Variants in CSTPP1 observed in about 807,000 individuals in gnomAD.
The protein encoded by CSTPP1 is UPF0705 protein C11orf49.
At chr11:46,959,865 A>ATTTT in the CSTPP1 span, among the ~76,000 whole-genome samples, 2 of 134,052 alleles carry the variant, frequency 1.5e-5, no homozygotes, top group African/African-American at 5.8e-5. Context: ...GGTTTAAATA[A>ATTTT]TTTTTTTTTT....
chr11:47,042,345 G>GTT, the CSTPP1 span, among the ~76,000 whole-genome samples: 29 of 131,900 alleles, frequency 2.2e-4, 1 homozygote, highest in South Asian at 9.7e-4. Flanking sequence ...TTTGACTTCT[G>GTT]TTTTTTTTTT....
At chr11:47,079,539 CT>C in the CSTPP1 span, among the ~76,000 whole-genome samples, 1 of 152,094 alleles carries the variant, frequency 6.6e-6, no homozygotes. Flanking sequence ...GAAAAACTTG[CT>C]CATTGTAGAA....
the CSTPP1 span, among the ~76,000 whole-genome samples, chr11:46,995,405 T>C: frequency 6.6e-6 from 1 of 152,214 alleles, no homozygotes; most frequent in Non-Finnish European, 1.5e-5. Context: ...CTTTCCCTTG[T>C]GGGCATTTAG....
At chr11:47,014,423 C>T in the CSTPP1 span, among the ~76,000 whole-genome samples, 1 of 151,286 alleles carries the variant, frequency 6.6e-6, no homozygotes, top group Non-Finnish European at 1.5e-5. Flanking sequence ...GAAAGCCTGG[C>T]GCGGTGGCTC....
chr11:46,971,390 A>G, the CSTPP1 span, among the ~76,000 whole-genome samples: 1 of 152,216 alleles, frequency 6.6e-6, no homozygotes. Context: ...CTTGGATGTA[A>G]TATAATCTGG....
At chr11:47,096,614 A>C in the CSTPP1 span, among the ~76,000 whole-genome samples, 1 of 152,202 alleles carries the variant, frequency 6.6e-6, no homozygotes, top group South Asian at 2.1e-4. Flanking sequence ...GTTCCATGGA[A>C]TCATACAGAC....
the CSTPP1 span, among the ~76,000 whole-genome samples, chr11:47,101,164 A>ATTTTTTTTTTTTT: frequency 2.5e-3 from 76 of 30,372 alleles, 28 homozygotes; most frequent in African/African-American, 8.1e-3. Flanking sequence ...ACACCGGCTA[A>ATTTTTTTTTTTTT]TTTTTTTTTT....
At chr11:47,026,698 C>T in the CSTPP1 span, among the ~76,000 whole-genome samples, 3 of 151,906 alleles carry the variant, frequency 2.0e-5, no homozygotes, top group Non-Finnish European at 2.9e-5. Context: ...GCCAACCTGG[C>T]GAAACCCCAT....
the CSTPP1 span, chr11:47,109,301 A>C: frequency 1.3e-5 from 2 of 151,992 alleles, no homozygotes; most frequent in Admixed American, 6.6e-5. Flanking sequence ...TCTGTGCTTC[A>C]CATCTACCCC....
At chr11:47,008,446 T>C in the CSTPP1 span, among the ~76,000 whole-genome samples, 1 of 152,206 alleles carries the variant, frequency 6.6e-6, no homozygotes. Flanking sequence ...ATAAATGATA[T>C]TGTGAGATAT....
At chr11:47,145,900 ATTATTTTATTTTATT>A in the CSTPP1 span, among the ~76,000 whole-genome samples, 1 of 151,200 alleles carries the variant, frequency 6.6e-6, no homozygotes, top group African/African-American at 2.4e-5. Context: ...CTTTCCGTAA[ATTATTTTATTTTATT>A]TTATTTTATT....
chr11:47,116,675 GTTTTTTTT>G, the CSTPP1 span, among the ~76,000 whole-genome samples: 1 of 83,908 alleles, frequency 1.2e-5, no homozygotes, highest in Non-Finnish European at 2.1e-5. Context: ...TGCTTGGTAG[GTTTTTTTT>G]TTTTTTTTTT....
chr11:46,952,693 C>T, the CSTPP1 span, among the ~76,000 whole-genome samples: 1 of 152,144 alleles, frequency 6.6e-6, no homozygotes, highest in Non-Finnish European at 1.5e-5. Flanking sequence ...TTATTATTTT[C>T]TTTCTTAACT....
At chr11:47,007,535 A>G in the CSTPP1 span, among the ~76,000 whole-genome samples, 1 of 152,042 alleles carries the variant, frequency 6.6e-6, no homozygotes, top group Non-Finnish European at 1.5e-5. Flanking sequence ...ATTTGCTTGA[A>G]CATAGTAAAT....
the CSTPP1 span, among the ~76,000 whole-genome samples, chr11:47,117,497 C>A: frequency 6.6e-6 from 1 of 152,190 alleles, no homozygotes; most frequent in Non-Finnish European, 1.5e-5. Flanking sequence ...GCCGAGAGAT[C>A]CACTGTTAGT....
the CSTPP1 span, among the ~76,000 whole-genome samples, chr11:47,162,997 T>C: frequency 4.0e-4 from 60 of 151,846 alleles, no homozygotes; most frequent in African/African-American, 1.3e-3. Context: ...CTGGGAAACA[T>C]AGTAGGACCC....
At chr11:47,160,016 C>CTAA in the CSTPP1 span, 2 of 264,388 alleles carry the variant, frequency 7.6e-6, no homozygotes, top group Non-Finnish European at 1.5e-5. Context: ...TAAATAAACA[C>CTAA]TAATAGCCAG....
chr11:46,963,383 A>G, the CSTPP1 span, among the ~76,000 whole-genome samples: 1 of 148,018 alleles, frequency 6.8e-6, no homozygotes, highest in Admixed American at 6.8e-5. Flanking sequence ...TTCCACATCT[A>G]TTGAGATGAT....
At chr11:47,138,151 C>T in the CSTPP1 span, 3 of 174,062 alleles carry the variant, frequency 1.7e-5, no homozygotes, top group Non-Finnish European at 3.6e-5. Context: ...TTCCGCGTGG[C>T]CTCAGGAAAC....
Sources: gnomAD v4.1 joint callset for allele counts (sites outside exome capture counted in the v4.1 genomes callset) on GRCh38, gnomAD v4.1.1 for gene constraint, MANE v1.5 for transcripts, NCBI Gene and HGNC (gene_info 2026-07-23, HGNC 2026-07-21) for gene names.